RPA1: variants seen among roughly 807,000 people sequenced by gnomAD.
RPA1 encodes replication protein A 70 kDa DNA-binding subunit.
In RPA1, 49 loss-of-function variants were observed where a neutral mutation model predicts 83.0. The observed-to-expected ratio is 0.59, with a 90% CI of 0.47 to 0.75. The LOEUF (loss-of-function observed/expected upper bound fraction) is 0.75. Ranked by LOEUF, RPA1 falls within the 30% of genes least tolerant of loss-of-function variation. The pLI is 0.00. For synonymous variants in RPA1, 279 were observed against 281.8 expected, an observed-to-expected ratio of 0.99 and a Z score of 0.10; for missense variants, 693 against 776.1, an observed-to-expected ratio of 0.89 and a Z score of 1.27.
chr17:1,835,318 T>A (rs1911772956), intron 1 of RPA1, among the ~76,000 whole-genome samples: 1 of 151,856 alleles, frequency 6.6e-6, no homozygotes, highest in African/African-American at 2.4e-5. Flanking sequence ...CCAGCTAATT[T>A]TTTTTTTTTT....
In RPA1 at chr17:1,875,647, G is replaced by T; in HGVS notation, c.455-14G>T. 3 of 1,604,948 alleles carry T rather than the reference G, an allele frequency of 1.9e-6. No homozygotes were observed. Among genetic ancestry groups the T allele is most frequent in the Non-Finnish European group, 2.5e-6 (3 of 1,176,784 alleles). ...ATAGTAATAACTCCTTTTCGTTTGC[G>T]TTTGTTTTTAAAGGTTCTACTGTTT... On this transcript the variant is annotated splice_polypyrimidine_tract_variant and intron_variant, in intron 6 of 16. Coordinates refer to ENST00000254719, the MANE Select transcript of RPA1 (RefSeq NM_002945.5).
intron 1 of RPA1, among the ~76,000 whole-genome samples, chr17:1,839,518 G>A (rs976019019): frequency 2.0e-5 from 3 of 151,212 alleles, no homozygotes; most frequent in African/African-American, 7.3e-5. Context: ...TAGAGACGGG[G>A]TTTCACTATG....
At position 1,853,472 on chromosome 17, in the gene RPA1, C is replaced by T. The variant is rs17338684; in HGVS notation, c.361+283C>T. On this transcript the variant is annotated intron_variant, in intron 5 of 16. Transcript: ENST00000254719. ...CCAAAGCAGGTAGATCACTTGACGT[C>T]AGGAGTTCGAGACCAGTCTGGCCAG... Among the ~76,000 whole-genome samples, 273 of 152,288 alleles carry T rather than the reference C, an allele frequency of 1.8e-3. 2 individuals carry two copies. Among genetic ancestry groups the T allele is most frequent in the African/African-American group, 5.9e-3 (244 of 41,558 alleles).
chr17:1,883,107 G>T (rs1483786692), intron 12 of RPA1, among the ~76,000 whole-genome samples: 10 of 152,144 alleles, frequency 6.6e-5, no homozygotes, highest in Admixed American at 5.2e-4. Context: ...GATTGTCTGA[G>T]TCCAGGAGTT....
intron 4 of RPA1, among the ~76,000 whole-genome samples, chr17:1,851,660 A>G (rs933774782): frequency 1.3e-5 from 2 of 152,188 alleles, no homozygotes; most frequent in Non-Finnish European, 2.9e-5. Context: ...AGGTTTTAGT[A>G]TTAGAGTCAT....
intron 5 of RPA1, among the ~76,000 whole-genome samples, chr17:1,861,349 G>C (rs1296147729): frequency 6.6e-6 from 1 of 152,128 alleles, no homozygotes; most frequent in Admixed American, 6.5e-5. Context: ...TCGCTTTCCT[G>C]TGCACAGCAG....
intron 15 of RPA1, among the ~76,000 whole-genome samples, chr17:1,894,324 G>A (rs1472412276): frequency 1.3e-5 from 2 of 151,906 alleles, no homozygotes; most frequent in Non-Finnish European, 1.5e-5. Flanking sequence ...CTGCCACTAT[G>A]CCCAGCTAAT....
At chr17:1,851,274 C>CGT (rs60091737) in intron 4 of RPA1, among the ~76,000 whole-genome samples, 10 of 151,534 alleles carry the variant, frequency 6.6e-5, no homozygotes, top group Admixed American at 2.0e-4. Flanking sequence ...TGTGCGTGTG[C>CGT]GTGTGTGTGT....
At chr17:1,858,104 A>G (rs1387919034) in intron 5 of RPA1, 5 of 1,613,622 alleles carry the variant, frequency 3.1e-6, no homozygotes, top group African/African-American at 2.7e-5. Context: ...CCAGACTGGT[A>G]TAGCTGGGGA....
chr17:1,861,504 C>T (rs1231622818), intron 5 of RPA1, among the ~76,000 whole-genome samples: 3 of 152,084 alleles, frequency 2.0e-5, no homozygotes, highest in Non-Finnish European at 2.9e-5. Context: ...AATATTTTTG[C>T]GAGGTGTGTC....
chr17:1,859,634 G>GT (rs1912862952), intron 5 of RPA1, among the ~76,000 whole-genome samples: 3 of 151,392 alleles, frequency 2.0e-5, no homozygotes, highest in Non-Finnish European at 4.4e-5. Context: ...GTTTTGTTTT[G>GT]TTTTTTCTCT....
At chr17:1,843,109 A>G (rs1432356787) in intron 2 of RPA1, among the ~76,000 whole-genome samples, 1 of 151,690 alleles carries the variant, frequency 6.6e-6, no homozygotes, top group Admixed American at 6.6e-5. Context: ...CCCACTGTTG[A>G]TAGATGACTG....
In RPA1 at chr17:1,900,052, C is replaced by G. The variant is rs1053993612; in HGVS notation, c.*2877C>G. ...CATAGATGTTTAATTTTCACTTATTCAAAAAAACTGGTATTTTTGTTATTA... is the reference window on the plus strand; with the variant it reads ...CATAGATGTTTAATTTTCACTTATTGAAAAAAACTGGTATTTTTGTTATTA... On this transcript the variant is annotated 3_prime_UTR_variant, in exon 17 of 17. Transcript: ENST00000254719. 1 of 151,906 alleles carries G rather than the reference C, an allele frequency of 6.6e-6. No individual in the cohort carries two copies. Among genetic ancestry groups the G allele is most frequent in the Non-Finnish European group, 1.5e-5 (1 of 67,976 alleles). 9.4% of individuals were successfully genotyped at this position (151,906 alleles called of 1,614,324 possible).
intron 6 of RPA1, among the ~76,000 whole-genome samples, chr17:1,873,068 T>C (rs1913438877): frequency 6.6e-6 from 1 of 152,240 alleles, no homozygotes; most frequent in Admixed American, 6.5e-5. Flanking sequence ...AGTAGTTTCT[T>C]CGTTTCCCAC....
At chr17:1,831,500 C>T (rs1403506200) in intron 1 of RPA1, among the ~76,000 whole-genome samples, 1 of 152,084 alleles carries the variant, frequency 6.6e-6, no homozygotes, top group Non-Finnish European at 1.5e-5. Flanking sequence ...CCATCCACAG[C>T]ATACTCTCAG....
intron 1 of RPA1, among the ~76,000 whole-genome samples, chr17:1,840,939 T>C (rs1912023317): frequency 6.6e-6 from 1 of 152,036 alleles, no homozygotes; most frequent in African/African-American, 2.4e-5. Flanking sequence ...TGGTGGTGCA[T>C]GCCTGTAACC....
intron 12 of RPA1, among the ~76,000 whole-genome samples, chr17:1,881,303 A>G (rs1913787501): frequency 6.6e-6 from 1 of 152,196 alleles, no homozygotes; most frequent in Admixed American, 6.5e-5. Context: ...CAGGGAAAAC[A>G]CTTTCACCCA....
At chr17:1,894,784 C>G (rs937496634) in intron 15 of RPA1, among the ~76,000 whole-genome samples, 1 of 152,076 alleles carries the variant, frequency 6.6e-6, no homozygotes, top group African/African-American at 2.4e-5. Context: ...TCTCCCTGGC[C>G]CTGACAACTG....
chr17:1,836,529 C>T (rs1315249836), intron 1 of RPA1, among the ~76,000 whole-genome samples: 1 of 152,290 alleles, frequency 6.6e-6, no homozygotes. Flanking sequence ...TCCTCTTGCT[C>T]CTTCCCCACC....
Sources: allele counts gnomAD v4.1 joint callset (sites outside exome capture counted in the v4.1 genomes callset), GRCh38; gene constraint gnomAD v4.1.1; transcripts MANE v1.5; gene names NCBI Gene and HGNC (gene_info 2026-07-23, HGNC 2026-07-21).